LOXHD1: variants seen among roughly 807,000 people sequenced by gnomAD.
LOXHD1 encodes the protein lipoxygenase homology PLAT domains 1.
In LOXHD1, 205 loss-of-function variants were observed where a neutral mutation model predicts 248.2. The ratio of observed to expected loss-of-function variants is 0.83; its 90% CI spans 0.74 to 0.93. LOXHD1 has a LOEUF of 0.93. LOXHD1 is among the 40% of genes least tolerant of loss of function. The probability of loss-of-function intolerance (pLI) is 0.00; values close to 1 mark genes in which losing one functional copy is unlikely to be tolerated. For synonymous variants in LOXHD1, 1,113 were observed against 1,162.8 expected (o/e 0.96, Z 0.87); for missense variants, 2,930 against 2,971.6 (o/e 0.99, Z 0.33).
At chr18:46,491,399 G>T (rs2033464452) in intron 37 of LOXHD1, among the ~76,000 whole-genome samples, 3 of 152,246 alleles carry the variant, frequency 2.0e-5, no homozygotes, top group Admixed American at 2.0e-4. Context: ...TCAGTTTGCG[G>T]TGGGGTCCAA....
At chr18:46,565,730 T>C (rs546683515) in intron 17 of LOXHD1, among the ~76,000 whole-genome samples, 1 of 152,342 alleles carries the variant, frequency 6.6e-6, no homozygotes, top group South Asian at 2.1e-4. Context: ...GTAAATGCTA[T>C]ATAAATAGTT....
intron 37 of LOXHD1, among the ~76,000 whole-genome samples, chr18:46,494,619 A>G (rs369126397): frequency 3.8e-4 from 58 of 152,284 alleles, no homozygotes; most frequent in African/African-American, 1.3e-3. Context: ...ACACTCTGGG[A>G]TCTGGCAGAT....
chr18:46,574,419 A>ACC (rs1555681853), intron 14 of LOXHD1, among the ~76,000 whole-genome samples: 1 of 148,924 alleles, frequency 6.7e-6, no homozygotes, highest in Non-Finnish European at 1.5e-5. Flanking sequence ...ACACACACAC[A>ACC]CCTGATCCTA....
chr18:46,550,339 C>T (rs1226791272), intron 21 of LOXHD1, among the ~76,000 whole-genome samples: 4 of 151,372 alleles, frequency 2.6e-5, no homozygotes, highest in African/African-American at 4.9e-5. Flanking sequence ...TTTGGGAGGC[C>T]GAGGCGGGTG....
intron 35 of LOXHD1, among the ~76,000 whole-genome samples, chr18:46,508,333 G>A (rs1322587917): frequency 6.6e-6 from 1 of 152,308 alleles, no homozygotes; most frequent in South Asian, 2.1e-4. Flanking sequence ...TTAGAAAGGG[G>A]ATTGTTATAG....
chr18:46,500,003 TAC>T (rs1172162025), intron 37 of LOXHD1, among the ~76,000 whole-genome samples: 1 of 152,162 alleles, frequency 6.6e-6, no homozygotes, highest in Non-Finnish European at 1.5e-5. Flanking sequence ...TCTTCAGCAT[TAC>T]AGAGTTTCCC....
chr18:46,543,529 T>C (rs2036659011), intron 23 of LOXHD1, among the ~76,000 whole-genome samples: 1 of 152,278 alleles, frequency 6.6e-6, no homozygotes, highest in East Asian at 1.9e-4. Context: ...CAACCCATCA[T>C]CTACATTAGT....
At chr18:46,542,075 A>G in intron 24 of LOXHD1, 135 bp from the exon 25 acceptor site, 4 of 811,854 alleles carry the variant, frequency 4.9e-6, no homozygotes, top group Non-Finnish European at 7.5e-6. Context: ...TTTTGCTTGC[A>G]GCATTGCTAA....
intron 34 of LOXHD1, among the ~76,000 whole-genome samples, chr18:46,515,832 T>C (rs1489556392): frequency 6.6e-6 from 1 of 152,164 alleles, no homozygotes; most frequent in Non-Finnish European, 1.5e-5. Context: ...CAGAAATTGG[T>C]CCAGAATGGT....
intron 21 of LOXHD1, among the ~76,000 whole-genome samples, chr18:46,549,092 T>A (rs1206078220): frequency 6.6e-6 from 1 of 152,190 alleles, no homozygotes; most frequent in Admixed American, 6.5e-5. Context: ...TACTGACCCC[T>A]GCCTCTTCCT....
At chr18:46,482,514 C>T (rs1363395277) in intron 40 of LOXHD1, among the ~76,000 whole-genome samples, 1 of 152,218 alleles carries the variant, frequency 6.6e-6, no homozygotes, top group Non-Finnish European at 1.5e-5. Context: ...TGAGAAATAG[C>T]TTTCTGTTGT....
intron 35 of LOXHD1, 36 bp from the exon 36 acceptor site, chr18:46,507,748 C>T: frequency 6.5e-7 from 1 of 1,528,046 alleles, no homozygotes; most frequent in Non-Finnish European, 8.8e-7. Context: ...AATGCCCTGT[C>T]CTCCCTCACC....
At chr18:46,601,837 T>C (rs1214449536) in intron 7 of LOXHD1, among the ~76,000 whole-genome samples, 1 of 152,220 alleles carries the variant, frequency 6.6e-6, no homozygotes, top group Non-Finnish European at 1.5e-5. Context: ...ATGAATTCTG[T>C]TATGTCTAAT....
chr18:46,524,395 T>A (rs2035722658), intron 31 of LOXHD1, 71 bp downstream of exon 31: 2 of 1,513,594 alleles, frequency 1.3e-6, no homozygotes, highest in Non-Finnish European at 1.8e-6. Flanking sequence ...CAAGAATGGC[T>A]CATCCAAGAA....
At chr18:46,549,146 G>A (rs1288608438) in intron 21 of LOXHD1, among the ~76,000 whole-genome samples, 2 of 152,160 alleles carry the variant, frequency 1.3e-5, no homozygotes, top group Admixed American at 6.5e-5. Flanking sequence ...TGGATACCAG[G>A]GAGGGGACCA....
intron 37 of LOXHD1, among the ~76,000 whole-genome samples, chr18:46,496,483 G>A (rs946711691): frequency 2.0e-5 from 3 of 151,910 alleles, no homozygotes; most frequent in East Asian, 3.8e-4. Context: ...TTCCTCATAC[G>A]TGTCTATGCA....
At chr18:46,623,494 AG>A (rs2038696371) in intron 4 of LOXHD1, among the ~76,000 whole-genome samples, 1 of 152,236 alleles carries the variant, frequency 6.6e-6, no homozygotes, top group African/African-American at 2.4e-5. Context: ...AGGTGGGCTT[AG>A]CTGCAGCCTA....
intron 2 of LOXHD1, among the ~76,000 whole-genome samples, chr18:46,644,970 G>A (rs2039010454): frequency 1.3e-5 from 2 of 152,170 alleles, no homozygotes; most frequent in African/African-American, 4.8e-5. Flanking sequence ...GAATATTTCT[G>A]GGTTCCGCAG....
At position 46,506,014 on chromosome 18, in the gene LOXHD1, G is replaced by C; in HGVS notation, c.5702C>G (p.Thr1901Ser). 3 of 1,552,222 alleles carry C rather than the reference G, an allele frequency of 1.9e-6. No individual in the cohort carries two copies. The highest frequency in any genetic ancestry group is 2.4e-5 in the South Asian group (2 of 84,054). The change falls in exon 37 of 41, where the codon ACT becomes AGT. Residue 1901 changes from threonine (T) to serine (S), a missense_variant. Physicochemically the swap from Thr to Ser is moderately conservative, Grantham distance 58. Transcript: ENST00000642948. ...GATGATGATGAACACGTTGGCATCAGTGCCTGCTCCTGGGGGGTGCACAAG... is the reference window on the plus strand; with the variant it reads ...GATGATGATGAACACGTTGGCATCACTGCCTGCTCCTGGGGGGTGCACAAG... ...VKTSDILGAG[T>S]DANVFIIIFG...
Sources: allele counts gnomAD v4.1 joint callset (sites outside exome capture counted in the v4.1 genomes callset), GRCh38; gene constraint gnomAD v4.1.1; transcripts MANE v1.5; gene names NCBI Gene and HGNC (gene_info 2026-07-23, HGNC 2026-07-21).